C5: variants seen among roughly 807,000 people sequenced by gnomAD.
C5 encodes C3 and PZP-like alpha-2-macroglobulin domain-containing protein 4.
C5 carries 140 observed loss-of-function variants against 218.8 expected under a neutral mutation model. The ratio of observed to expected loss-of-function variants is 0.64; its 90% confidence interval spans 0.56 to 0.74. C5 has a LOEUF of 0.74. Ranked by LOEUF, C5 falls within the 30% of genes least tolerant of loss-of-function variation. C5 has a pLI of 0.00. For synonymous variants in C5, 614 were observed against 682.3 expected, an observed-to-expected ratio of 0.90 and a Z score of 1.56; for missense variants, 1,700 against 1,969.6, an observed-to-expected ratio of 0.86 and a Z score of 2.59.
At chr9:121,012,895 G>A (rs973529804) in intron 17 of C5, among the ~76,000 whole-genome samples, 2 of 152,162 alleles carry the variant, frequency 1.3e-5, no homozygotes, top group Non-Finnish European at 2.9e-5. Flanking sequence ...GAAAGGTACA[G>A]AAAAAATACG....
chr9:120,998,887 C>T (rs532282078), intron 20 of C5, among the ~76,000 whole-genome samples: 1 of 152,124 alleles, frequency 6.6e-6, no homozygotes, highest in Non-Finnish European at 1.5e-5. Flanking sequence ...AAAGAGAGCA[C>T]CAGCTATTCA....
At chr9:121,024,129 A>G (rs887482541) in intron 9 of C5, among the ~76,000 whole-genome samples, 1 of 143,068 alleles carries the variant, frequency 7.0e-6, no homozygotes, top group Non-Finnish European at 1.5e-5. Context: ...CTGAGGCAGG[A>G]GAATTGCTTG....
chr9:121,074,832 G>A, the C5 span: 2 of 456,082 alleles, frequency 4.4e-6, no homozygotes, highest in South Asian at 1.5e-5. Context: ...AAGACTCCCC[G>A]GCATCCTAGC....
In C5 at chr9:121,050,181, C is replaced by T. The variant is rs575532353; in HGVS notation, c.65+1G>A. ...AAATGAAGATAGCTTGTTTTACTTA[C>T]GTTTGCTCCTGTCCCCAGGTTTTCC... On this transcript the variant is annotated splice_donor_variant, in intron 1 of 40. Transcript: ENST00000223642. LOFTEE classifies it high-confidence loss of function. 1.5e-5 allele frequency: 24 copies of T among 1,609,452 alleles called. No homozygotes were observed. The highest frequency in any genetic ancestry group is 3.3e-5 in the Admixed American group (2 of 60,010).
chr9:120,977,392 C>A (rs1318837896), intron 28 of C5, among the ~76,000 whole-genome samples: 1 of 152,128 alleles, frequency 6.6e-6, no homozygotes. Flanking sequence ...TGAAAAAAAT[C>A]TGAAATCTGA....
Position 121,043,162 on chromosome 9 carries a change from T to G in C5, c.263A>C (p.Gln88Pro), listed in dbSNP as rs772633842. Residue 88 changes from glutamine (Q) to proline (P), a missense_variant, in exon 3 of 41, where the codon CAA (glutamine) becomes CCA (proline). By Grantham distance (76) the Gln-to-Pro change is moderately conservative. Coordinates refer to ENST00000223642, the MANE Select transcript of C5 (RefSeq NM_001735.3). ...TTGTCCTCCAGGCAATTGTTTTGGTTGTATCTGGAAAAGAAATTGTTGATG... is the reference window on the plus strand; with the variant it reads ...TTGTCCTCCAGGCAATTGTTTTGGTGGTATCTGGAAAAGAAATTGTTGATG... ...KFQNSAILTI[Q>P]PKQLPGGQNP... The G allele has an allele frequency of 3.7e-6, 6 of 1,611,926 alleles. No homozygotes were observed.
At chr9:120,980,856 C>T (rs1467238258) in intron 27 of C5, among the ~76,000 whole-genome samples, 2 of 152,114 alleles carry the variant, frequency 1.3e-5, no homozygotes, top group Non-Finnish European at 2.9e-5. Context: ...CTCGGCCTCC[C>T]AAGTGCTGGG....
chr9:121,005,820 T>C (rs2047211158), intron 20 of C5, 99 bp downstream of exon 20: 4 of 1,230,524 alleles, frequency 3.3e-6, no homozygotes, highest in African/African-American at 1.5e-5. Context: ...CTGAACTGAG[T>C]TGAACTTCTA....
rs765580623 is a variant in C5, at chr9:121,025,606, G to T, written c.874-26C>A. On this transcript the variant is annotated intron_variant, in intron 8 of 40. Transcript: ENST00000223642. ...CTTTTTAAAAGGAGAAAAAGGAGGA[G>T]TTATTTCGGAGAAGAACTTATAAGG... 3 of 1,605,992 alleles carry T rather than the reference G, an allele frequency of 1.9e-6. No homozygotes were observed. In the African/African-American group the frequency reaches 4.0e-5, roughly 21 times the overall value.
intron 8 of C5, among the ~76,000 whole-genome samples, chr9:121,026,756 G>A (rs1322848956): frequency 6.6e-6 from 1 of 152,184 alleles, no homozygotes; most frequent in Non-Finnish European, 1.5e-5. Context: ...AGAAGAGTCA[G>A]GGGAGGCTTC....
At chr9:121,015,077 A>G in intron 16 of C5, 122 bp downstream of exon 16, 1 of 694,408 alleles carries the variant, frequency 1.4e-6, no homozygotes, top group South Asian at 1.6e-5. Context: ...CTAGACCTCC[A>G]TACATATCTT....
At chr9:120,975,513 T>G (rs2046946841) in intron 29 of C5, among the ~76,000 whole-genome samples, 1 of 152,182 alleles carries the variant, frequency 6.6e-6, no homozygotes, top group African/African-American at 2.4e-5. Context: ...TGTGGCAGTG[T>G]TAGGAGGTGA....
At chr9:120,964,131 T>G (rs1227359880) in intron 33 of C5, among the ~76,000 whole-genome samples, 1 of 152,124 alleles carries the variant, frequency 6.6e-6, no homozygotes, top group East Asian at 1.9e-4. Flanking sequence ...AAGGAAAAAA[T>G]CAGTTGTATG....
At chr9:121,000,657 A>C (rs2131728036) in intron 20 of C5, among the ~76,000 whole-genome samples, 1 of 152,354 alleles carries the variant, frequency 6.6e-6, no homozygotes, top group Non-Finnish European at 1.5e-5. Context: ...TACTATAGAA[A>C]ATATAGAAAA....
chr9:121,048,913 G>C lies in C5; in HGVS notation c.65+1269C>G, dbSNP rs1043800864. Among the ~76,000 whole-genome samples the C allele has an allele frequency of 9.2e-5, 14 of 152,060 alleles. 1 individual carries two copies. The highest frequency in any genetic ancestry group is 3.1e-4 in the African/African-American group (13 of 41,402). Reference sequence around the variant, plus strand: ...CCTTTCCTGGCCACATTTTAAAATAGTGCCCCATAATTATTTTTTAATTCT... The same window carrying C: ...CCTTTCCTGGCCACATTTTAAAATACTGCCCCATAATTATTTTTTAATTCT... On this transcript the variant is annotated intron_variant, in intron 1 of 40. Coordinates refer to ENST00000223642, the MANE Select transcript of C5 (RefSeq NM_001735.3).
At chr9:121,050,384 A>G (rs150172957), upstream of C5, 938 of 753,368 alleles carry the variant, frequency 1.2e-3, 9 homozygotes, top group African/African-American at 0.014. Flanking sequence ...GAAAACTAGA[A>G]TTGGAACTAA....
chr9:121,074,673 T>C, the C5 span: 27 of 382,024 alleles, frequency 7.1e-5, 1 homozygote, highest in South Asian at 5.1e-4. Flanking sequence ...GCGGCAGCTT[T>C]GTCTCAGCGA....
At chr9:120,973,767 T>A (rs2046931726) in intron 30 of C5, among the ~76,000 whole-genome samples, 2 of 152,058 alleles carry the variant, frequency 1.3e-5, no homozygotes, top group Admixed American at 6.6e-5. Flanking sequence ...TCACCAGAGG[T>A]CAGGAGTTTG....
At chr9:121,061,946 C>A in the C5 span, among the ~76,000 whole-genome samples, 1 of 152,230 alleles carries the variant, frequency 6.6e-6, no homozygotes, top group Admixed American at 6.5e-5. Flanking sequence ...ATTATCCTAT[C>A]TTTCCCTTTC....
Sources: gnomAD v4.1 joint callset for allele counts (sites outside exome capture counted in the v4.1 genomes callset) on GRCh38, gnomAD v4.1.1 for gene constraint, MANE v1.5 for transcripts, NCBI Gene and HGNC (gene_info 2026-07-23, HGNC 2026-07-21) for gene names.